ANGPT4: variants seen among roughly 807,000 people sequenced by gnomAD.
ANGPT4 encodes angiopoietin 4, also known as angiopoietin-4.
In ANGPT4, 50 loss-of-function variants were observed where a neutral mutation model predicts 53.0. That is an observed-to-expected ratio of 0.94 (90% CI 0.75 to 1.20). The LOEUF (loss-of-function observed/expected upper bound fraction) is 1.20. Among genes scored for constraint, ANGPT4 ranks in the 50% most tolerant of loss-of-function variants. ANGPT4 has a pLI of 0.00. For missense variants in ANGPT4, 648 were observed against 637.1 expected (o/e 1.02, Z -0.18); for synonymous variants, 251 against 259.7 (o/e 0.97, Z 0.32).
At chr20:904,840 C>T (rs868100644) in intron 1 of ANGPT4, among the ~76,000 whole-genome samples, 2 of 152,274 alleles carry the variant, frequency 1.3e-5, no homozygotes, top group South Asian at 2.1e-4. Context: ...TTTGTTGCCT[C>T]AGGCTGGTCT....
intron 4 of ANGPT4, among the ~76,000 whole-genome samples, chr20:884,480 G>T (rs1472899438): frequency 3.3e-5 from 5 of 152,176 alleles, no homozygotes; most frequent in Admixed American, 2.0e-4. Context: ...ATTGCAGCTG[G>T]GGCCAAGAAT....
chr20:914,563 G>A lies in ANGPT4; in HGVS notation c.309+1343C>T, dbSNP rs1181864933. Among the ~76,000 whole-genome samples the A allele has an allele frequency of 6.6e-6, 1 of 152,052 alleles. No individual in the cohort carries two copies. Among genetic ancestry groups the A allele is most frequent in the African/African-American group, 2.4e-5 (1 of 41,376 alleles). On this transcript the variant is annotated intron_variant, in intron 1 of 8. Transcript: ENST00000381922. The surrounding 1 kb of genome is among the most constrained non-coding windows in gnomAD (Gnocchi z 5.0). ...GCCGAGTGTTAGCAGGGAGCCAGGG[G>A]GGCAGCCAGGACAGCTATCCTGCCT... is the stretch of plus-strand genomic sequence containing the variant.
rs755895886 is a variant in ANGPT4, at chr20:914,678, G to A, written c.309+1228C>T. Among the ~76,000 whole-genome samples, 3 of 152,064 alleles carry A rather than the reference G, an allele frequency of 2.0e-5. No homozygotes were observed. The highest frequency in any genetic ancestry group is 1.9e-4 in the East Asian group (1 of 5,174). On this transcript the variant is annotated intron_variant, in intron 1 of 8. Transcript: ENST00000381922. This position sits in a 1 kb window ranked among gnomAD's most constrained non-coding sequence, Gnocchi z 5.0. ...TCGCATCCTTCATTCCTCAGTCATC[G>A]CCCAGACTGTCTCCTGGGTCCCTCT...
intron 1 of ANGPT4, among the ~76,000 whole-genome samples, chr20:905,963 G>T (rs1419316237): frequency 6.6e-6 from 1 of 152,194 alleles, no homozygotes; most frequent in Non-Finnish European, 1.5e-5. Flanking sequence ...AAGTGGCAAA[G>T]ACTGGATTTA....
chr20:895,623 G>T (rs80250298), intron 1 of ANGPT4, among the ~76,000 whole-genome samples: 27 of 152,110 alleles, frequency 1.8e-4, no homozygotes, highest in African/African-American at 6.3e-4. Context: ...CTCCGTGGCC[G>T]AGGAGATCTG....
rs1386467728 is a variant in ANGPT4, at chr20:916,238, G to A, written c.-24C>T. 1.9e-6 allele frequency: 3 copies of A among 1,602,088 alleles called. No individual in the cohort carries two copies. The highest frequency in any genetic ancestry group is 2.6e-6 in the Non-Finnish European group (3 of 1,173,210). On this transcript the variant is annotated 5_prime_UTR_variant, in exon 1 of 9. Transcript: ENST00000381922. The stretch of plus-strand genomic sequence containing the variant: ...ATCTGAAGATGTGTCAATGGCGAGG[G>A]ATGTCTGCTCAGAGCCCTAGGGGCT...
At chr20:913,804 G>A (rs1188069148) in intron 1 of ANGPT4, among the ~76,000 whole-genome samples, 1 of 152,236 alleles carries the variant, frequency 6.6e-6, no homozygotes, top group Non-Finnish European at 1.5e-5. Flanking sequence ...TGGGCCAGCT[G>A]CCTGGGGGAT....
intron 7 of ANGPT4, among the ~76,000 whole-genome samples, chr20:877,119 G>C (rs1015968754): frequency 6.6e-6 from 1 of 152,238 alleles, no homozygotes; most frequent in Non-Finnish European, 1.5e-5. Flanking sequence ...AACAGTGGGG[G>C]CATATCACTG....
chr20:910,480 A>G (rs1366339916), intron 1 of ANGPT4, among the ~76,000 whole-genome samples: 3 of 152,068 alleles, frequency 2.0e-5, no homozygotes, highest in East Asian at 1.9e-4. Flanking sequence ...CCTGACCCCA[A>G]CTTGGTCCTC....
intron 2 of ANGPT4, among the ~76,000 whole-genome samples, chr20:888,648 A>C (rs1471668824): frequency 2.6e-5 from 4 of 152,248 alleles, no homozygotes; most frequent in African/African-American, 9.6e-5. Flanking sequence ...CTGCAATGGC[A>C]GCTCCATTCT....
chr20:883,876 T>C (rs1981504254), intron 4 of ANGPT4, among the ~76,000 whole-genome samples: 1 of 152,196 alleles, frequency 6.6e-6, no homozygotes, highest in African/African-American at 2.4e-5. Context: ...TTAATCCACA[T>C]GTCGCGATTT....
Position 872,675 on chromosome 20 carries a change from C to T in ANGPT4, c.*285G>A. The T allele has an allele frequency of 2.4e-6, 1 of 421,066 alleles. No individual in the cohort carries two copies. Among genetic ancestry groups the T allele is most frequent in the Non-Finnish European group, 4.4e-6 (1 of 228,612 alleles). 26.1% of individuals were successfully genotyped at this position (421,066 alleles called of 1,614,324 possible). On this transcript the variant is annotated 3_prime_UTR_variant, in exon 9 of 9. Coordinates refer to ENST00000381922, the MANE Select transcript of ANGPT4 (RefSeq NM_015985.4). Reference sequence around the variant, plus strand: ...AAGTTTGGTCTGTTCTCAGCCCATTCAAGGTACTGTGACCCTCAGGCAGGG... The same window carrying T: ...AAGTTTGGTCTGTTCTCAGCCCATTTAAGGTACTGTGACCCTCAGGCAGGG...
rs1980990311 is a variant in ANGPT4 at position 872,763 on chromosome 20, C to T, written c.*197G>A. The T allele has an allele frequency of 1.6e-6, 1 of 635,670 alleles. No individual in the cohort carries two copies. The highest frequency in any genetic ancestry group is 2.7e-6 in the Non-Finnish European group (1 of 370,190). The allele number at this position is 635,670 out of a possible 1,614,324, so 39.4% of individuals were successfully genotyped here. A position where few individuals can be genotyped will look rare whatever the true frequency, so the allele number is the denominator to read the frequency against. ...CTACATCAGAGGGATGGGCCCCGAA[C>T]ACCCTCCATGTCACAGACGGAGGGG... On this transcript the variant is annotated 3_prime_UTR_variant, in exon 9 of 9. Transcript: ENST00000381922.
At position 881,054 on chromosome 20, in the gene ANGPT4, C is replaced by A. The variant is rs1258471330; in HGVS notation, c.951+117G>T. The A allele has an allele frequency of 3.7e-6, 3 of 813,658 alleles. No homozygotes were observed. In the South Asian group the frequency reaches 6.3e-5, roughly 17 times the overall value. The allele number at this position is 813,658 out of a possible 1,614,324, so 50.4% of individuals were successfully genotyped here. A position where few individuals can be genotyped will look rare whatever the true frequency, so the allele number is the denominator to read the frequency against. On this transcript the variant is annotated intron_variant, in intron 5 of 8. Coordinates refer to ENST00000381922, the MANE Select transcript of ANGPT4 (RefSeq NM_015985.4). ...CTGGGAAGTCAAAGCCACCCCTACA[C>A]CTCTGGTATTTCAGATACTGGACAA...
chr20:903,565 G>A (rs1042903646), intron 1 of ANGPT4, among the ~76,000 whole-genome samples: 3 of 152,176 alleles, frequency 2.0e-5, no homozygotes, highest in African/African-American at 7.2e-5. Context: ...TCTAAACCCT[G>A]CCTTGGGTCC....
At chr20:890,401 A>C in intron 1 of ANGPT4, 33 bp from the exon 2 acceptor site, 95 of 921,240 alleles carry the variant, frequency 1.0e-4, no homozygotes, top group Non-Finnish European at 1.4e-4. Context: ...GTCACGGGGG[A>C]GGGGCGGGGG....
At chr20:904,224 G>A (rs1982395174) in intron 1 of ANGPT4, among the ~76,000 whole-genome samples, 1 of 152,202 alleles carries the variant, frequency 6.6e-6, no homozygotes, top group African/African-American at 2.4e-5. Flanking sequence ...GCCACTGAGG[G>A]AGGTTCCTGG....
rs1042337204 is a variant in ANGPT4 at position 874,361 on chromosome 20, A to G, written c.1274T>C (p.Leu425Pro). The change falls in exon 8 of 9, where the codon CTG (leucine) becomes CCG (proline). Residue 425 changes from leucine (L) to proline (P), a missense_variant. Physicochemically the swap from Leu to Pro is moderately conservative, Grantham distance 98. Transcript: ENST00000381922. The part of the protein sequence containing the change: ...GSAGRQSSLV[L>P]QNTSFSTLDS... The stretch of plus-strand genomic sequence containing the variant: ...AAGGGTGCTAAAGCTGGTGTTCTGC[A>G]GGACCAGGCTGCTCTGGCGCCCTGC... 1 of 1,614,144 alleles carries G rather than the reference A, an allele frequency of 6.2e-7. No homozygotes were observed. Among genetic ancestry groups the G allele is most frequent in the African/African-American group, 1.3e-5 (1 of 75,062 alleles).
At chr20:892,093 C>T (rs1981870591) in intron 1 of ANGPT4, among the ~76,000 whole-genome samples, 1 of 151,700 alleles carries the variant, frequency 6.6e-6, no homozygotes. Flanking sequence ...CCCACCCCCT[C>T]CCTGCAGCAC....
Sources: allele counts gnomAD v4.1 joint callset (sites outside exome capture counted in the v4.1 genomes callset), GRCh38; gene constraint gnomAD v4.1.1; non-coding constraint Gnocchi (gnomAD v3.1); transcripts MANE v1.5; gene names NCBI Gene and HGNC (gene_info 2026-07-23, HGNC 2026-07-21).